The following HECW2 variants were observed in gnomAD, a reference collection of about 807,000 sequenced individuals.
The protein encoded by HECW2 is E3 ubiquitin-protein ligase HECW2.
HECW2 carries 61 observed loss-of-function variants against 175.2 expected under a neutral mutation model. That is an observed-to-expected ratio of 0.35 (90% confidence interval 0.28 to 0.43). The LOEUF is 0.43. Ranked by LOEUF, HECW2 falls within the 20% of genes least tolerant of loss-of-function variation. The pLI, the probability that HECW2 is intolerant of heterozygous loss-of-function variation, is 1.00. For synonymous variants in HECW2, 671 were observed against 731.0 expected, an observed-to-expected ratio of 0.92 and a Z score of 1.32; for missense variants, 1,524 against 2,000.5, an observed-to-expected ratio of 0.76 and a Z score of 4.54.
rs1484900633 is a variant in HECW2, at chr2:196,493,101, G to C, written c.-35-59643C>G. The C allele has an allele frequency of 2.0e-5, 3 of 152,342 alleles. No individual in the cohort carries two copies. The East Asian group carries it at 5.8e-4, about 29-fold the overall frequency. 9.4% of individuals were successfully genotyped at this position (152,342 alleles called of 1,614,324 possible). A position where few individuals can be genotyped will look rare whatever the true frequency, so the allele number is the denominator to read the frequency against. ...TGGATAACACAGGCTAGACATGGTGGCTCATGCCTGTAATCCGAGCACTTT... is the reference window on the plus strand; with the variant it reads ...TGGATAACACAGGCTAGACATGGTGCCTCATGCCTGTAATCCGAGCACTTT... On this transcript the variant is annotated intron_variant, in intron 1 of 28. Transcript: ENST00000644978.
At chr2:196,366,365 C>T (rs966163353) in intron 2 of HECW2, among the ~76,000 whole-genome samples, 5 of 152,096 alleles carry the variant, frequency 3.3e-5, no homozygotes, top group Non-Finnish European at 5.9e-5. Flanking sequence ...TCCTCATCTT[C>T]GGTGGACAAG....
chr2:196,432,234 C>T (rs1201967787), intron 2 of HECW2, among the ~76,000 whole-genome samples: 4 of 151,050 alleles, frequency 2.6e-5, no homozygotes, highest in South Asian at 2.1e-4. Flanking sequence ...CTGATTTATT[C>T]GTTAAAAAAA....
At chr2:196,527,631 T>C (rs1047557455) in intron 1 of HECW2, among the ~76,000 whole-genome samples, 4 of 152,182 alleles carry the variant, frequency 2.6e-5, no homozygotes, top group Middle Eastern at 3.2e-3. Context: ...TTACCCTACA[T>C]TGAATAATTT....
intron 6 of HECW2, 144 bp downstream of exon 6, chr2:196,324,836 A>C (rs1575416117): frequency 5.6e-6 from 3 of 540,352 alleles, no homozygotes; most frequent in Admixed American, 3.3e-5. Flanking sequence ...AGAGATGGGA[A>C]TAGCTCATTC....
chr2:196,429,523 C>T (rs899986993), intron 2 of HECW2, among the ~76,000 whole-genome samples: 14 of 140,200 alleles, frequency 1.0e-4, no homozygotes, highest in Admixed American at 4.1e-4. Context: ...AAAGGAACTT[C>T]CGCTTCAGGC....
Position 196,308,388 on chromosome 2 carries a change from T to C in HECW2, c.2435-303A>G, listed in dbSNP as rs555333756. 2.6e-5 allele frequency among the ~76,000 whole-genome samples: 4 copies of C among 152,322 alleles called. No individual in the cohort carries two copies. The East Asian group carries it at 7.7e-4, about 29-fold the overall frequency. ...TATGAGCCCCAGCATTTTAAAAATATATGTAGTTGGTTTCATAACACTTCA... is the reference window on the plus strand; with the variant it reads ...TATGAGCCCCAGCATTTTAAAAATACATGTAGTTGGTTTCATAACACTTCA... On this transcript the variant is annotated intron_variant, in intron 10 of 28. Coordinates refer to ENST00000644978, the MANE Select transcript of HECW2 (RefSeq NM_001348768.2).
rs572535794 is a variant in HECW2, at chr2:196,516,243, T to C, written c.-36+77265A>G. The stretch of plus-strand genomic sequence containing the variant: ...AACATGGTTTAGGAAGCAAGCTCAT[T>C]TGTAGCATGAAAAACTTTAAATACT... On this transcript the variant is annotated intron_variant, in intron 1 of 28. Coordinates refer to ENST00000644978, the MANE Select transcript of HECW2 (RefSeq NM_001348768.2). Among the ~76,000 whole-genome samples, 7 of 152,308 alleles carry C rather than the reference T, an allele frequency of 4.6e-5. 1 individual carries two copies. The East Asian group carries it at 1.2e-3, about 25-fold the overall frequency.
intron 2 of HECW2, among the ~76,000 whole-genome samples, chr2:196,348,715 G>A (rs1449016248): frequency 6.6e-6 from 1 of 152,144 alleles, no homozygotes. Context: ...CCCCACATGT[G>A]TAATATAGAA....
At chr2:196,245,006 G>A (rs1178848434) in intron 19 of HECW2, among the ~76,000 whole-genome samples, 1 of 152,154 alleles carries the variant, frequency 6.6e-6, no homozygotes, top group Non-Finnish European at 1.5e-5. Context: ...TAAATTAAGG[G>A]TGGGCAAGAG....
chr2:196,231,092 CAAAAAAAAAA>C (rs10653412), intron 21 of HECW2, among the ~76,000 whole-genome samples: 2 of 55,338 alleles, frequency 3.6e-5, no homozygotes, highest in East Asian at 5.8e-4. Context: ...GACTCCGTCT[CAAAAAAAAAA>C]AAAAAAAAAA....
intron 1 of HECW2, among the ~76,000 whole-genome samples, chr2:196,495,212 C>T (rs746807099): frequency 1.8e-4 from 27 of 152,136 alleles, no homozygotes; most frequent in Middle Eastern, 3.4e-3. Flanking sequence ...GGATTACAAG[C>T]GTACGCCACC....
At chr2:196,326,419 G>T (rs1481489638) in intron 5 of HECW2, among the ~76,000 whole-genome samples, 1 of 151,156 alleles carries the variant, frequency 6.6e-6, no homozygotes, top group Non-Finnish European at 1.5e-5. Context: ...TGATATATCT[G>T]CAAATATTTA....
intron 2 of HECW2, among the ~76,000 whole-genome samples, chr2:196,363,511 G>A (rs1319405192): frequency 1.3e-5 from 2 of 152,290 alleles, no homozygotes; most frequent in Admixed American, 6.5e-5. Flanking sequence ...TCCACAGTGG[G>A]CTCAGTCACC....
In HECW2 at chr2:196,232,235, A is replaced by T. The variant is rs760401851; in HGVS notation, c.3765-3981T>A. On this transcript the variant is annotated intron_variant, in intron 21 of 28. Transcript: ENST00000644978. ...AGTAAAATGGGATTTTGCCTGCTTA[A>T]AATTAAACTGTGGCATTCAGTTAGA... Among the ~76,000 whole-genome samples the T allele has an allele frequency of 1.3e-3, 200 of 152,168 alleles. 2 individuals carry two copies. The highest frequency in any genetic ancestry group is 2.7e-3 in the Non-Finnish European group (181 of 68,016).
chr2:196,565,430 C>T (rs933529540), intron 1 of HECW2, among the ~76,000 whole-genome samples: 12 of 152,156 alleles, frequency 7.9e-5, no homozygotes, highest in African/African-American at 1.4e-4. Context: ...AAAAATTTAA[C>T]TTGACATGTT....
At chr2:196,457,564 T>C (rs1314974897) in intron 1 of HECW2, among the ~76,000 whole-genome samples, 1 of 152,202 alleles carries the variant, frequency 6.6e-6, no homozygotes, top group Admixed American at 6.5e-5. Context: ...AATCCAGAAA[T>C]AATATAAATT....
At chr2:196,385,978 C>T (rs948656581) in intron 2 of HECW2, among the ~76,000 whole-genome samples, 1 of 152,112 alleles carries the variant, frequency 6.6e-6, no homozygotes, top group Non-Finnish European at 1.5e-5. Context: ...TATTAACATA[C>T]ACCAATGTGC....
chr2:196,207,752 G>A (rs540784657), intron 28 of HECW2, among the ~76,000 whole-genome samples: 2 of 152,298 alleles, frequency 1.3e-5, no homozygotes, highest in South Asian at 2.1e-4. Context: ...ATCTATAGAC[G>A]GGTGAGGGGA....
At chr2:196,442,721 AAC>A (rs1696076072) in intron 1 of HECW2, among the ~76,000 whole-genome samples, 2 of 152,226 alleles carry the variant, frequency 1.3e-5, no homozygotes, top group African/African-American at 4.8e-5. Context: ...TTGTGTTAAT[AAC>A]ACACATAGAA....
Sources: allele counts gnomAD v4.1 joint callset (sites outside exome capture counted in the v4.1 genomes callset), GRCh38; gene constraint gnomAD v4.1.1; transcripts MANE v1.5; gene names NCBI Gene and HGNC (gene_info 2026-07-23, HGNC 2026-07-21).